MDGA2: variants seen among roughly 807,000 people sequenced by gnomAD.
MDGA2 encodes MAM domain containing glycosylphosphatidylinositol anchor 2, also known as MAM domain-containing glycosylphosphatidylinositol anchor protein 2.
MDGA2 carries 40 observed loss-of-function variants against 117.8 expected under a neutral mutation model. The observed-to-expected ratio is 0.34, with a 90% CI of 0.26 to 0.44. The LOEUF (loss-of-function observed/expected upper bound fraction) is 0.44. Among genes scored for constraint, MDGA2 ranks in the 20% least tolerant of loss-of-function variants. The pLI is 1.00. For missense variants in MDGA2, 1,123 were observed against 1,250.6 expected (o/e 0.90, Z 1.54); for synonymous variants, 452 against 439.0 (o/e 1.03, Z -0.37).
chr14:47,389,091 T>C (rs1243926678), intron 1 of MDGA2, among the ~76,000 whole-genome samples: 1 of 152,200 alleles, frequency 6.6e-6, no homozygotes, highest in East Asian at 1.9e-4. Context: ...CTATATTTGT[T>C]AGTCACATTT....
chr14:47,567,085 T>C (rs543652885), intron 1 of MDGA2, among the ~76,000 whole-genome samples: 21 of 151,942 alleles, frequency 1.4e-4, no homozygotes, highest in Non-Finnish European at 2.8e-4. Context: ...TTTTTAATTT[T>C]TGTAGAGATG....
At chr14:47,653,230 G>T (rs991759242) in intron 1 of MDGA2, among the ~76,000 whole-genome samples, 9 of 152,034 alleles carry the variant, frequency 5.9e-5, no homozygotes, top group African/African-American at 2.2e-4. Context: ...CAAGACAATA[G>T]CAATGATTTT....
chr14:47,040,953 CAGA>C (rs746903419), intron 7 of MDGA2, among the ~76,000 whole-genome samples: 20 of 151,882 alleles, frequency 1.3e-4, no homozygotes, highest in Non-Finnish European at 2.4e-4. Flanking sequence ...AAAGGCAGAG[CAGA>C]AGAAGATGGT....
chr14:47,343,369 G>T (rs979591922), intron 1 of MDGA2: 3 of 614,196 alleles, frequency 4.9e-6, no homozygotes, highest in Non-Finnish European at 6.2e-6. Flanking sequence ...ACAGAAAGTG[G>T]TGTGAAAAGC....
At position 47,398,623 on chromosome 14, in the gene MDGA2, T is replaced by C. The variant is rs1441903264; in HGVS notation, c.281-97073A>G. ...GATGAGAGAATGTAAAGGATTTTTC[T>C]ATGGACACACAACGTTTAAGTAGTA... On this transcript the variant is annotated intron_variant, in intron 1 of 16. Coordinates refer to ENST00000399232, the MANE Select transcript of MDGA2 (RefSeq NM_001113498.3). Among the ~76,000 whole-genome samples, 3 of 152,154 alleles carry C rather than the reference T, an allele frequency of 2.0e-5. No individual in the cohort carries two copies. In the South Asian group the frequency reaches 6.2e-4, roughly 32 times the overall value.
At chr14:47,424,045 T>C (rs1892634997) in intron 1 of MDGA2, among the ~76,000 whole-genome samples, 1 of 152,088 alleles carries the variant, frequency 6.6e-6, no homozygotes, top group African/African-American at 2.4e-5. Context: ...ACTTCTGACC[T>C]CAGGTGATCC....
At chr14:47,578,004 A>T (rs1399395959) in intron 1 of MDGA2, among the ~76,000 whole-genome samples, 4 of 152,228 alleles carry the variant, frequency 2.6e-5, no homozygotes, top group Non-Finnish European at 5.9e-5. Context: ...AATAGCAAAG[A>T]CATAGAACCC....
At chr14:47,574,225 T>A (rs920656499) in intron 1 of MDGA2, among the ~76,000 whole-genome samples, 1 of 152,188 alleles carries the variant, frequency 6.6e-6, no homozygotes, top group African/African-American at 2.4e-5. Flanking sequence ...GATCAGCAAC[T>A]GTGGCCCTAT....
Position 47,177,661 on chromosome 14 carries a change from C to G in MDGA2, c.596-33387G>C, listed in dbSNP as rs997775306. ...TCTGGGGACTGTTGTGGCATGAGGG[C>G]AGTGGGGAGGGATAGCAGTAGGAGA... On this transcript the variant is annotated intron_variant, in intron 3 of 16. Transcript: ENST00000399232. 3.3e-5 allele frequency among the ~76,000 whole-genome samples: 5 copies of G among 152,104 alleles called. No individual in the cohort carries two copies. The East Asian group carries it at 7.7e-4, about 24-fold the overall frequency.
intron 1 of MDGA2, among the ~76,000 whole-genome samples, chr14:47,306,771 C>T (rs1233474593): frequency 1.3e-5 from 2 of 151,596 alleles, no homozygotes; most frequent in South Asian, 2.1e-4. Flanking sequence ...CATGCTGTGC[C>T]AGCATTACTC....
chr14:46,937,545 T>C (rs1418989940), intron 9 of MDGA2, among the ~76,000 whole-genome samples: 3 of 152,146 alleles, frequency 2.0e-5, no homozygotes, highest in Admixed American at 2.0e-4. Flanking sequence ...GAAGGCGTTA[T>C]ACTACCAATT....
chr14:47,187,577 A>G (rs1208036012), intron 3 of MDGA2, among the ~76,000 whole-genome samples: 1 of 152,140 alleles, frequency 6.6e-6, no homozygotes. Flanking sequence ...TTCACTGTGC[A>G]TAATATTCAA....
chr14:47,091,481 A>G (rs1221536927), intron 6 of MDGA2, among the ~76,000 whole-genome samples: 1 of 152,142 alleles, frequency 6.6e-6, no homozygotes, highest in Non-Finnish European at 1.5e-5. Flanking sequence ...GGAATCAGAG[A>G]AGGTGTTTAC....
intron 3 of MDGA2, among the ~76,000 whole-genome samples, chr14:47,205,279 C>A (rs970925270): frequency 7.9e-5 from 12 of 151,976 alleles, no homozygotes; most frequent in African/African-American, 2.9e-4. Context: ...TGGTCTTTAG[C>A]GACTATTTAT....
chr14:46,874,523 A>G (rs1196264492), intron 12 of MDGA2, among the ~76,000 whole-genome samples: 2 of 151,804 alleles, frequency 1.3e-5, no homozygotes, highest in African/African-American at 2.4e-5. Context: ...CCCAACTTTC[A>G]TTTTGTCAGT....
At chr14:46,881,582 CTGTGTCA>C (rs1173709839) in intron 11 of MDGA2, among the ~76,000 whole-genome samples, 1 of 152,096 alleles carries the variant, frequency 6.6e-6, no homozygotes, top group African/African-American at 2.4e-5. Flanking sequence ...AATGGGGATA[CTGTGTCA>C]GGGAGACGGG....
chr14:47,483,944 T>G (rs907801543), intron 1 of MDGA2, among the ~76,000 whole-genome samples: 2 of 152,188 alleles, frequency 1.3e-5, no homozygotes, highest in Admixed American at 1.3e-4. Context: ...AAAAAGTACC[T>G]GTGGTGTCAA....
chr14:46,985,159 T>C (rs1432905232), intron 8 of MDGA2, among the ~76,000 whole-genome samples: 2 of 152,090 alleles, frequency 1.3e-5, no homozygotes, highest in Non-Finnish European at 2.9e-5. Context: ...AATTCCTAGT[T>C]TGCATTTTGT....
intron 5 of MDGA2, among the ~76,000 whole-genome samples, chr14:47,107,324 T>C (rs1433321588): frequency 1.3e-5 from 2 of 152,168 alleles, no homozygotes; most frequent in Admixed American, 6.5e-5. Context: ...GTTCAGGATC[T>C]GCACCTTATC....
Sources: gnomAD v4.1 joint callset for allele counts (sites outside exome capture counted in the v4.1 genomes callset) on GRCh38, gnomAD v4.1.1 for gene constraint, MANE v1.5 for transcripts, NCBI Gene and HGNC (gene_info 2026-07-23, HGNC 2026-07-21) for gene names.